Variants in MDGA2 observed in about 807,000 individuals in gnomAD.
MDGA2 encodes the protein MAM domain-containing glycosylphosphatidylinositol anchor protein 2.
In MDGA2, 40 loss-of-function variants were observed where a neutral mutation model predicts 117.8. That is an observed-to-expected ratio of 0.34 (90% CI 0.26 to 0.44). The LOEUF is 0.44. MDGA2 is among the 20% of genes least tolerant of loss of function. The pLI is 1.00. For synonymous variants in MDGA2, 452 were observed against 439.0 expected (o/e 1.03, Z -0.37); for missense variants, 1,123 against 1,250.6 (o/e 0.90, Z 1.54).
At chr14:47,669,362 C>T (rs1898034168) in intron 1 of MDGA2, among the ~76,000 whole-genome samples, 1 of 152,166 alleles carries the variant, frequency 6.6e-6, no homozygotes, top group African/African-American at 2.4e-5. Context: ...AAACTTTTAT[C>T]TCTGACTGTT....
chr14:47,597,239 A>G (rs1896560153), intron 1 of MDGA2, among the ~76,000 whole-genome samples: 2 of 152,170 alleles, frequency 1.3e-5, no homozygotes, highest in Non-Finnish European at 2.9e-5. Context: ...AAGATTATGT[A>G]TCACAGATTT....
At chr14:47,617,027 G>C (rs117863572) in intron 1 of MDGA2, among the ~76,000 whole-genome samples, 1 of 152,042 alleles carries the variant, frequency 6.6e-6, no homozygotes, top group Non-Finnish European at 1.5e-5. Flanking sequence ...ATGTTCTACC[G>C]GACAGCAATG....
intron 2 of MDGA2, 132 bp downstream of exon 2, chr14:47,301,278 CA>C: frequency 2.3e-6 from 2 of 883,860 alleles, no homozygotes; most frequent in Non-Finnish European, 3.3e-6. Context: ...GTTACACACA[CA>C]CACACCCACA....
At chr14:46,919,557 T>C (rs1435927778) in intron 10 of MDGA2, among the ~76,000 whole-genome samples, 2 of 152,204 alleles carry the variant, frequency 1.3e-5, no homozygotes, top group South Asian at 2.1e-4. Flanking sequence ...TTCTCAGACA[T>C]ATTAAATTAG....
intron 7 of MDGA2, among the ~76,000 whole-genome samples, chr14:47,057,346 T>G (rs142680722): frequency 0.011 from 1,688 of 152,214 alleles, 30 homozygotes; most frequent in African/African-American, 0.039. Flanking sequence ...CTACGTAATC[T>G]GTCTTGATGA....
chr14:47,295,244 G>A (rs908823091), intron 2 of MDGA2, among the ~76,000 whole-genome samples: 4 of 152,116 alleles, frequency 2.6e-5, no homozygotes, highest in African/African-American at 4.8e-5. Context: ...ATTTTTGAAC[G>A]GAGAAGGTCA....
chr14:47,372,101 C>A (rs17118419), intron 1 of MDGA2, among the ~76,000 whole-genome samples: 5 of 151,568 alleles, frequency 3.3e-5, no homozygotes, highest in Non-Finnish European at 5.9e-5. Context: ...ACCTTAGAAA[C>A]ATTATGTCCT....
chr14:46,938,464 C>G (rs1884865837), intron 9 of MDGA2, among the ~76,000 whole-genome samples: 1 of 144,850 alleles, frequency 6.9e-6, no homozygotes, highest in Non-Finnish European at 1.5e-5. Flanking sequence ...CGCCTAAACC[C>G]TGGAGGTGGA....
intron 2 of MDGA2, among the ~76,000 whole-genome samples, chr14:47,275,856 G>A (rs1888296177): frequency 1.3e-5 from 2 of 152,094 alleles, no homozygotes; most frequent in South Asian, 2.1e-4. Context: ...GTAATGTAAT[G>A]AGCCAAGGTC....
At chr14:47,645,949 A>G (rs896944991) in intron 1 of MDGA2, among the ~76,000 whole-genome samples, 1 of 151,812 alleles carries the variant, frequency 6.6e-6, no homozygotes, top group Non-Finnish European at 1.5e-5. Flanking sequence ...GCGTGGTGGC[A>G]GGCTCCTGTA....
At chr14:47,452,988 A>G (rs1310160096) in intron 1 of MDGA2, among the ~76,000 whole-genome samples, 1 of 152,098 alleles carries the variant, frequency 6.6e-6, no homozygotes, top group East Asian at 1.9e-4. Flanking sequence ...GGAAATATAT[A>G]GTTTTATTAT....
chr14:47,057,177 C>T (rs1889706963), intron 7 of MDGA2, among the ~76,000 whole-genome samples: 1 of 152,082 alleles, frequency 6.6e-6, no homozygotes, highest in Non-Finnish European at 1.5e-5. Flanking sequence ...ATCCTCCTTC[C>T]ACTGTCACTA....
At chr14:47,451,155 G>A (rs906996193) in intron 1 of MDGA2, among the ~76,000 whole-genome samples, 1 of 152,084 alleles carries the variant, frequency 6.6e-6, no homozygotes, top group Non-Finnish European at 1.5e-5. Context: ...TTAAAGACTT[G>A]CTAAGCACCA....
intron 5 of MDGA2, among the ~76,000 whole-genome samples, chr14:47,118,140 T>C (rs9806090): frequency 0.93 from 141,124 of 152,244 alleles, 65,481 homozygotes; most frequent in East Asian, 1. Flanking sequence ...CTGCTTAGTA[T>C]TGTTATCACA....
At chr14:47,030,869 C>T (rs546082952) in intron 8 of MDGA2, among the ~76,000 whole-genome samples, 225 of 152,184 alleles carry the variant, frequency 1.5e-3, no homozygotes, top group Admixed American at 3.3e-3. Context: ...TGTGTGGTAA[C>T]TGGCAATTGT....
chr14:47,327,850 G>C (rs1392213774), intron 1 of MDGA2, among the ~76,000 whole-genome samples: 1 of 152,108 alleles, frequency 6.6e-6, no homozygotes, highest in African/African-American at 2.4e-5. Context: ...GAATCCTAAA[G>C]CTTAGAGAAA....
chr14:47,460,607 TA>T (rs1371846405), intron 1 of MDGA2, among the ~76,000 whole-genome samples: 1 of 152,108 alleles, frequency 6.6e-6, no homozygotes, highest in Non-Finnish European at 1.5e-5. Flanking sequence ...TGGGAGATAA[TA>T]TATATAATTT....
At position 47,366,177 on chromosome 14, in the gene MDGA2, G is replaced by T. The variant is rs138272672; in HGVS notation, c.281-64627C>A. On this transcript the variant is annotated intron_variant, in intron 1 of 16. Transcript: ENST00000399232. ...CTTTCACATAGCTCAAACTTCCCCA[G>T]ATGGAGGGCTTTGGACTTTTGTTGT... 5.0e-3 allele frequency among the ~76,000 whole-genome samples: 754 copies of T among 152,270 alleles called. 5 individuals carry two copies. The highest frequency in any genetic ancestry group is 0.017 in the African/African-American group (707 of 41,552).
At chr14:46,889,891 T>C (rs1882813932) in intron 10 of MDGA2, among the ~76,000 whole-genome samples, 1 of 152,052 alleles carries the variant, frequency 6.6e-6, no homozygotes, top group African/African-American at 2.4e-5. Context: ...GCATGCATCC[T>C]TCTTTCCTAC....
Sources: allele counts gnomAD v4.1 joint callset (sites outside exome capture counted in the v4.1 genomes callset), GRCh38; gene constraint gnomAD v4.1.1; transcripts MANE v1.5; gene names NCBI Gene and HGNC (gene_info 2026-07-23, HGNC 2026-07-21).